SLC12A6: variants seen among roughly 807,000 people sequenced by gnomAD.
SLC12A6 encodes the protein solute carrier family 12 member 6, also known as K-Cl cotransporter 3.
SLC12A6 carries 66 observed loss-of-function variants against 135.3 expected under a neutral mutation model. The observed-to-expected ratio is 0.49, with a 90% CI of 0.40 to 0.60. The LOEUF is 0.60. SLC12A6 is among the 20% of genes least tolerant of loss of function. The pLI, the probability that SLC12A6 is intolerant of heterozygous loss-of-function variation, is 0.00. For missense variants in SLC12A6, 1,058 were observed against 1,452.3 expected, an observed-to-expected ratio of 0.73 and a Z score of 4.41; for synonymous variants, 513 against 508.8, an observed-to-expected ratio of 1.01 and a Z score of -0.11.
chr15:34,290,796 CTTTA>C (rs533706677), intron 2 of SLC12A6, among the ~76,000 whole-genome samples: 46 of 152,176 alleles, frequency 3.0e-4, no homozygotes, highest in Admixed American at 1.6e-3. Context: ...GCAAGCCCTG[CTTTA>C]TTTATTTATT....
chr15:34,303,756 C>T (rs1415043420), intron 2 of SLC12A6, among the ~76,000 whole-genome samples: 3 of 152,164 alleles, frequency 2.0e-5, no homozygotes, highest in African/African-American at 7.2e-5. Context: ...CTCTCACTCC[C>T]TCTTACCCTC....
intron 2 of SLC12A6, among the ~76,000 whole-genome samples, chr15:34,320,460 G>T (rs1481554347): frequency 6.6e-6 from 1 of 152,024 alleles, no homozygotes; most frequent in Non-Finnish European, 1.5e-5. Flanking sequence ...AATATAGAAA[G>T]TAGAATGGTT....
chr15:34,323,244 T>C (rs184940134), intron 2 of SLC12A6, among the ~76,000 whole-genome samples: 71 of 151,928 alleles, frequency 4.7e-4, no homozygotes, highest in African/African-American at 1.7e-3. Context: ...TGCAAACCAC[T>C]AAAAACCGCT....
intron 2 of SLC12A6, among the ~76,000 whole-genome samples, chr15:34,275,796 T>C (rs190622891): frequency 6.8e-4 from 103 of 152,346 alleles, no homozygotes; most frequent in African/African-American, 2.1e-3. Context: ...GGAATTCTGA[T>C]ACATGTGACA....
intron 3 of SLC12A6, among the ~76,000 whole-genome samples, chr15:34,266,417 C>T (rs1893526168): frequency 6.6e-6 from 1 of 151,926 alleles, no homozygotes; most frequent in African/African-American, 2.4e-5. Context: ...TTTAATCCAC[C>T]AAGAAGTCAT....
Position 34,247,519 on chromosome 15 carries a change from G to A in SLC12A6, c.1650-1652C>T, listed in dbSNP as rs199956986. ...GCGACAGAGCGAGACTCCATCTAGG[G>A]GAAAAAAAAAAAGTAATGTGCAAAA... On this transcript the variant is annotated intron_variant, in intron 13 of 25. Coordinates refer to ENST00000354181, the MANE Select transcript of SLC12A6 (RefSeq NM_001365088.1). Among the ~76,000 whole-genome samples the A allele has an allele frequency of 3.1e-4, 47 of 150,962 alleles. No individual in the cohort carries two copies. In the East Asian group the frequency reaches 6.6e-3, roughly 21 times the overall value.
At chr15:34,250,247 G>A (rs954375214) in intron 13 of SLC12A6, 51 bp downstream of exon 13, 1 of 994,354 alleles carries the variant, frequency 1.0e-6, no homozygotes, top group Non-Finnish European at 1.6e-6. Flanking sequence ...GGAATGATCA[G>A]AAGTCATGGC....
rs563926662 is a variant in SLC12A6, at chr15:34,327,098, G to T, written c.271+9312C>A. ...AGTTACTTAACCTTATCAACCTCAG[G>T]TTTCTCCTGGATAAGAAAAATTTCA... is the stretch of plus-strand genomic sequence containing the variant. On this transcript the variant is annotated intron_variant, in intron 2 of 25. Coordinates refer to ENST00000354181, the MANE Select transcript of SLC12A6 (RefSeq NM_001365088.1). Among the ~76,000 whole-genome samples the T allele has an allele frequency of 1.5e-4, 22 of 151,658 alleles. 1 individual carries two copies. Among genetic ancestry groups the T allele is most frequent in the Admixed American group, 1.4e-3 (22 of 15,224 alleles).
chr15:34,264,782 T>G (rs1395928957), intron 3 of SLC12A6, among the ~76,000 whole-genome samples: 2 of 152,232 alleles, frequency 1.3e-5, no homozygotes, highest in Non-Finnish European at 2.9e-5. Context: ...GGGTGATGCA[T>G]TCATAAAAGT....
At chr15:34,313,098 T>C (rs1888375809) in intron 2 of SLC12A6, among the ~76,000 whole-genome samples, 1 of 152,200 alleles carries the variant, frequency 6.6e-6, no homozygotes, top group South Asian at 2.1e-4. Context: ...GGCCTCTAAG[T>C]TTTCAAGTGA....
intron 8 of SLC12A6, among the ~76,000 whole-genome samples, chr15:34,254,945 G>A (rs566854744): frequency 6.6e-6 from 1 of 152,278 alleles, no homozygotes; most frequent in South Asian, 2.1e-4. Context: ...TCTCAGTGAA[G>A]AGAGATATGA....
chr15:34,252,339 G>A lies in SLC12A6; in HGVS notation c.1164C>T (p.Asp388=), dbSNP rs145615604. 1,806 of 1,612,754 alleles carry A rather than the reference G, an allele frequency of 1.1e-3. 2 individuals are homozygous for A. The highest frequency in any genetic ancestry group is 1.4e-3 in the Non-Finnish European group (1,686 of 1,178,962). The change falls in exon 10 of 26, where the codon GAC becomes GAT. Residue 388 remains aspartate, a synonymous_variant. Transcript: ENST00000354181. ...GNRTLSSRHI[D]VCSKTKEINN... ...TAATTTCCTTGGTCTTAGAGCAAAC[G>A]TCAATGTGTCTTGATGAAAGGGTGC...
intron 2 of SLC12A6, among the ~76,000 whole-genome samples, chr15:34,310,198 T>C (rs1888062901): frequency 6.7e-6 from 1 of 150,018 alleles, no homozygotes; most frequent in Non-Finnish European, 1.5e-5. Flanking sequence ...TGTGTGTGTG[T>C]GTGTGTGTGT....
chr15:34,282,204 G>GA (rs1425745535), intron 2 of SLC12A6, among the ~76,000 whole-genome samples: 5 of 152,110 alleles, frequency 3.3e-5, no homozygotes, highest in African/African-American at 1.2e-4. Context: ...GAAACGGTTT[G>GA]GGGCAGGGAT....
At chr15:34,272,206 C>A (rs948123436) in intron 3 of SLC12A6, among the ~76,000 whole-genome samples, 4 of 152,100 alleles carry the variant, frequency 2.6e-5, no homozygotes, top group African/African-American at 4.8e-5. Context: ...CCTGACCTTG[C>A]GATCCACTTG....
chr15:34,313,437 G>C (rs1235349057), intron 2 of SLC12A6, among the ~76,000 whole-genome samples: 1 of 152,192 alleles, frequency 6.6e-6, no homozygotes, highest in Non-Finnish European at 1.5e-5. Flanking sequence ...GGCCAAGAGA[G>C]TTGATGGGGG....
chr15:34,250,622 A>G lies in SLC12A6; in HGVS notation c.1591+9T>C, dbSNP rs2140726230. The G allele has an allele frequency of 6.9e-7, 1 of 1,439,968 alleles. No homozygotes were observed. The allele number at this position is 1,439,968 out of a possible 1,614,324, so 89.2% of individuals were successfully genotyped here. On this transcript the variant is annotated intron_variant, in intron 12 of 25. Coordinates refer to ENST00000354181, the MANE Select transcript of SLC12A6 (RefSeq NM_001365088.1). ...ACTAAGACTCAGACTGGATCCATAAAAAGGATACAAACAAAGGAGGTGGTC... is the reference window on the plus strand; with the variant it reads ...ACTAAGACTCAGACTGGATCCATAAGAAGGATACAAACAAAGGAGGTGGTC...
At chr15:34,322,356 A>T (rs1201884264) in intron 2 of SLC12A6, among the ~76,000 whole-genome samples, 1 of 152,168 alleles carries the variant, frequency 6.6e-6, no homozygotes, top group African/African-American at 2.4e-5. Context: ...AGCCTGGGCA[A>T]CAAGAGTGAA....
chr15:34,274,242 A>G (rs1454034361), intron 3 of SLC12A6, among the ~76,000 whole-genome samples: 1 of 152,232 alleles, frequency 6.6e-6, no homozygotes, highest in Non-Finnish European at 1.5e-5. Flanking sequence ...TTAAGTAAAA[A>G]GAAGCAGTCT....
Sources: allele counts gnomAD v4.1 joint callset (sites outside exome capture counted in the v4.1 genomes callset), GRCh38; gene constraint gnomAD v4.1.1; transcripts MANE v1.5; gene names NCBI Gene and HGNC (gene_info 2026-07-23, HGNC 2026-07-21).